Variants in TMPRSS11E observed in about 807,000 individuals in gnomAD.
The protein encoded by TMPRSS11E is transmembrane protease serine 11E.
In TMPRSS11E, 38 loss-of-function variants were observed where a neutral mutation model predicts 48.1. The observed-to-expected ratio is 0.79, with a 90% CI of 0.61 to 1.04. The LOEUF is 1.04. Among genes scored for constraint, TMPRSS11E ranks in the 50% least tolerant of loss-of-function variants. TMPRSS11E has a pLI of 0.00. For missense variants in TMPRSS11E, 530 were observed against 510.8 expected (o/e 1.04, Z -0.36); for synonymous variants, 158 against 171.9 (o/e 0.92, Z 0.63).
intron 9 of TMPRSS11E, among the ~76,000 whole-genome samples, chr4:68,485,957 T>C (rs1173256553): frequency 2.0e-5 from 3 of 152,174 alleles, no homozygotes; most frequent in African/African-American, 7.2e-5. Context: ...ACAATCATCT[T>C]TGAAATTTTT....
At position 68,478,829 on chromosome 4, in the gene TMPRSS11E, A is replaced by C. The variant is rs911793784; in HGVS notation, c.968-20A>C. 16 of 1,611,038 alleles carry C rather than the reference A, an allele frequency of 9.9e-6. No individual in the cohort carries two copies. Among genetic ancestry groups the C allele is most frequent in the Non-Finnish European group, 1.4e-5 (16 of 1,179,034 alleles). The stretch of plus-strand genomic sequence containing the variant: ...AAATATATGTATGTCTACAAATACA[A>C]AGACTTTTTTTTCTTTTAGGTTACA... On this transcript the variant is annotated intron_variant, in intron 8 of 9. Transcript: ENST00000305363.
intron 1 of TMPRSS11E, among the ~76,000 whole-genome samples, chr4:68,458,166 A>G (rs553026876): frequency 4.0e-4 from 61 of 152,190 alleles, no homozygotes; most frequent in African/African-American, 1.3e-3. Context: ...TGAAACACTG[A>G]GCCTTGACTT....
chr4:68,482,196 G>A (rs922491265), intron 9 of TMPRSS11E, among the ~76,000 whole-genome samples: 1 of 151,304 alleles, frequency 6.6e-6, no homozygotes, highest in Non-Finnish European at 1.5e-5. Context: ...TAAACAATCC[G>A]ATCTCACAAG....
At chr4:68,471,662 T>G in intron 5 of TMPRSS11E, 39 bp downstream of exon 5, 1 of 1,490,694 alleles carries the variant, frequency 6.7e-7, no homozygotes, top group Non-Finnish European at 8.9e-7. Context: ...ATAGAACAGC[T>G]TCATGTTAGG....
At chr4:68,459,587 T>A (rs1194376824) in intron 1 of TMPRSS11E, among the ~76,000 whole-genome samples, 5 of 152,196 alleles carry the variant, frequency 3.3e-5, no homozygotes, top group Admixed American at 6.5e-5. Context: ...TTGAAACTTA[T>A]CATTAACCTT....
Position 68,448,559 on chromosome 4 carries a change from A to G in TMPRSS11E, c.11+1036A>G, listed in dbSNP as rs143295078. ...AAGCTTCCAATAAACTTAACATACTAAATAGATTACAAGCCTTATCTATGG... is the reference window on the plus strand; with the variant it reads ...AAGCTTCCAATAAACTTAACATACTGAATAGATTACAAGCCTTATCTATGG... On this transcript the variant is annotated intron_variant, in intron 1 of 9. Coordinates refer to ENST00000305363, the MANE Select transcript of TMPRSS11E (RefSeq NM_014058.4). 5.6e-3 allele frequency among the ~76,000 whole-genome samples: 848 copies of G among 152,040 alleles called. 9 individuals are homozygous for G. The highest frequency in any genetic ancestry group is 0.019 in the African/African-American group (803 of 41,542).
chr4:68,487,002 G>T (rs1434515440), intron 9 of TMPRSS11E, among the ~76,000 whole-genome samples: 8 of 152,032 alleles, frequency 5.3e-5, no homozygotes, highest in African/African-American at 1.9e-4. Flanking sequence ...TTTACTTTGA[G>T]ACTATGAGTG....
intron 2 of TMPRSS11E, among the ~76,000 whole-genome samples, chr4:68,465,289 C>T (rs941690416): frequency 1.3e-4 from 20 of 152,254 alleles, no homozygotes; most frequent in African/African-American, 3.4e-4. Flanking sequence ...CATCACCAAC[C>T]GCACCCAAGC....
At chr4:68,465,992 C>T (rs1022010646) in intron 2 of TMPRSS11E, among the ~76,000 whole-genome samples, 4 of 152,138 alleles carry the variant, frequency 2.6e-5, no homozygotes, top group Non-Finnish European at 4.4e-5. Context: ...AAGGAGCAGA[C>T]AAGCCAACCC....
chr4:68,481,955 A>G (rs575862898), intron 9 of TMPRSS11E, among the ~76,000 whole-genome samples: 1 of 152,156 alleles, frequency 6.6e-6, no homozygotes, highest in Non-Finnish European at 1.5e-5. Context: ...ACAAACAAAC[A>G]AACTAACAAA....
At chr4:68,459,808 C>G (rs745883742) in intron 1 of TMPRSS11E, among the ~76,000 whole-genome samples, 5 of 152,038 alleles carry the variant, frequency 3.3e-5, no homozygotes, top group African/African-American at 7.2e-5. Context: ...GTTGAGAAAC[C>G]CTTCTCTCCC....
At chr4:68,466,522 G>A in intron 2 of TMPRSS11E, 109 bp from the exon 3 acceptor site, 1 of 1,182,452 alleles carries the variant, frequency 8.5e-7, no homozygotes, top group Non-Finnish European at 1.2e-6. Context: ...CCTGTGCTAA[G>A]AGCATTCCTT....
At chr4:68,451,336 C>T (rs186501723) in intron 1 of TMPRSS11E, among the ~76,000 whole-genome samples, 82 of 151,910 alleles carry the variant, frequency 5.4e-4, no homozygotes, top group African/African-American at 1.8e-3. Context: ...AATGACTGGA[C>T]TAGAGAGAAG....
At chr4:68,482,466 A>G (rs1729432037) in intron 9 of TMPRSS11E, among the ~76,000 whole-genome samples, 1 of 151,974 alleles carries the variant, frequency 6.6e-6, no homozygotes, top group African/African-American at 2.4e-5. Context: ...TCAAAAATTC[A>G]AAGTTGGCCA....
Position 68,491,280 on chromosome 4 carries a change from A to G in TMPRSS11E, c.1111-5363A>G, listed in dbSNP as rs555055787. On this transcript the variant is annotated intron_variant, in intron 9 of 9. Coordinates refer to ENST00000305363, the MANE Select transcript of TMPRSS11E (RefSeq NM_014058.4). ...GGTTGCCAGGTTGCTGGCTTCTTCCAAGTCCATGATATATGAAGCAAAAAA... is the reference window on the plus strand; with the variant it reads ...GGTTGCCAGGTTGCTGGCTTCTTCCGAGTCCATGATATATGAAGCAAAAAA... 1.8e-4 allele frequency among the ~76,000 whole-genome samples: 23 copies of G among 126,500 alleles called. No individual in the cohort carries two copies. In the South Asian group the frequency reaches 6.4e-3, roughly 35 times the overall value. 83.0% of individuals were successfully genotyped at this position (126,500 alleles called of 152,430 possible).
intron 1 of TMPRSS11E, among the ~76,000 whole-genome samples, chr4:68,458,104 C>T (rs1249830625): frequency 2.0e-5 from 3 of 152,030 alleles, no homozygotes; most frequent in Non-Finnish European, 2.9e-5. Context: ...AAAAGACCAA[C>T]TATTGATTGG....
chr4:68,477,602 C>T lies in TMPRSS11E; in HGVS notation c.941C>T (p.Thr314Ile), dbSNP rs1253762329. Residue 314 changes from threonine to isoleucine, a missense_variant, in exon 8 of 10, where the codon ACA becomes ATA. Physicochemically the swap from Thr to Ile is moderately conservative, Grantham distance 89. Transcript: ENST00000305363. ...EFQPGDVMFV[T>I]GFGALKNDGY... ...CAACCAGGTGATGTGATGTTTGTGA[C>T]AGGATTTGGAGCACTGAAAAATGAT... The T allele has an allele frequency of 6.2e-7, 1 of 1,613,808 alleles. No homozygotes were observed. Among genetic ancestry groups the T allele is most frequent in the African/African-American group, 1.3e-5 (1 of 74,996 alleles).
Position 68,496,599 on chromosome 4 carries a change from A to G in TMPRSS11E, c.1111-44A>G, listed in dbSNP as rs754617259. On this transcript the variant is annotated intron_variant, in intron 9 of 9. Transcript: ENST00000305363. ...TTAGAAAAATAGCCAATTCCTCTGTAATGAACTGAATTATGAATTACTAAT... is the reference window on the plus strand; with the variant it reads ...TTAGAAAAATAGCCAATTCCTCTGTGATGAACTGAATTATGAATTACTAAT... 11 of 1,569,990 alleles carry G rather than the reference A, an allele frequency of 7.0e-6. No homozygotes were observed. In the South Asian group the frequency reaches 1.3e-4, roughly 18 times the overall value.
At chr4:68,480,646 C>T (rs1729376073) in intron 9 of TMPRSS11E, among the ~76,000 whole-genome samples, 1 of 151,966 alleles carries the variant, frequency 6.6e-6, no homozygotes, top group African/African-American at 2.4e-5. Context: ...CTGTTGATTG[C>T]CTTTTCTCAT....
Sources: gnomAD v4.1 joint callset for allele counts (sites outside exome capture counted in the v4.1 genomes callset) on GRCh38, gnomAD v4.1.1 for gene constraint, MANE v1.5 for transcripts, NCBI Gene and HGNC (gene_info 2026-07-23, HGNC 2026-07-21) for gene names.